The following SRGAP2B variants were observed in gnomAD, a reference collection of about 807,000 sequenced individuals.
The protein encoded by SRGAP2B is SLIT-ROBO Rho GTPase activating protein 2B.
A neutral mutation model predicts 22.2 loss-of-function variants in SRGAP2B; 9 were observed. That is an observed-to-expected ratio of 0.41 (90% confidence interval 0.24 to 0.71). SRGAP2B has a LOEUF of 0.71. SRGAP2B is among the 30% of genes least tolerant of loss of function. The pLI, the probability that SRGAP2B is intolerant of heterozygous loss-of-function variation, is 0.35. For synonymous variants in SRGAP2B, 36 were observed against 87.4 expected, an observed-to-expected ratio of 0.41 and a Z score of 3.28; for missense variants, 114 against 235.8, an observed-to-expected ratio of 0.48 and a Z score of 3.38.
intron 2 of SRGAP2B, among the ~76,000 whole-genome samples, chr1:145,030,721 AATATATATAT>A (rs1161032950): frequency 6.9e-5 from 1 of 14,488 alleles, no homozygotes; most frequent in Non-Finnish European, 1.1e-4. Context: ...AAAAAAAAAA[AATATATATAT>A]ATATATATAT....
chr1:144,922,559 A>G (rs1664331469), intron 4 of SRGAP2B, among the ~76,000 whole-genome samples: 5 of 150,800 alleles, frequency 3.3e-5, no homozygotes, highest in African/African-American at 5.0e-5. Flanking sequence ...CGAAACAAAG[A>G]AAGATGATAA....
chr1:145,019,738 G>C (rs1425263514), intron 2 of SRGAP2B, among the ~76,000 whole-genome samples: 1 of 135,864 alleles, frequency 7.4e-6, no homozygotes, highest in African/African-American at 2.9e-5. Flanking sequence ...AGTCCTGAGA[G>C]ATATAATTGA....
intron 2 of SRGAP2B, among the ~76,000 whole-genome samples, chr1:145,008,775 C>T (rs1357238307): frequency 2.5e-5 from 3 of 121,106 alleles, no homozygotes; most frequent in Non-Finnish European, 5.0e-5. Flanking sequence ...GATCTAAACA[C>T]CACAAGGCAA....
At chr1:144,954,972 C>T (rs1427676711) in intron 4 of SRGAP2B, among the ~76,000 whole-genome samples, 1 of 150,468 alleles carries the variant, frequency 6.6e-6, no homozygotes, top group Non-Finnish European at 1.5e-5. Flanking sequence ...CATAAAATGA[C>T]AGTGTTGGCC....
At chr1:145,006,239 G>GC (rs1205606790) in intron 2 of SRGAP2B, among the ~76,000 whole-genome samples, 3 of 151,004 alleles carry the variant, frequency 2.0e-5, no homozygotes, top group African/African-American at 4.9e-5. Context: ...ACCTACAGGA[G>GC]ATAGAAACTG....
intron 4 of SRGAP2B, among the ~76,000 whole-genome samples, chr1:144,923,137 A>G (rs1485710699): frequency 6.6e-6 from 1 of 150,600 alleles, no homozygotes; most frequent in African/African-American, 2.5e-5. Flanking sequence ...TCTGAAACAC[A>G]GTCCTATAAT....
chr1:145,038,841 G>A (rs1338894), intron 2 of SRGAP2B, among the ~76,000 whole-genome samples: 40 of 103,254 alleles, frequency 3.9e-4, no homozygotes, highest in South Asian at 1.3e-3. Context: ...TCATCCTTGG[G>A]TTTTCATAAT....
At chr1:144,979,103 C>T (rs1439402982) in intron 3 of SRGAP2B, among the ~76,000 whole-genome samples, 55 of 151,784 alleles carry the variant, frequency 3.6e-4, no homozygotes, top group African/African-American at 1.2e-3. Flanking sequence ...AGTGCAGTGG[C>T]GCGATCTCGA....
At position 145,001,771 on chromosome 1, in the gene SRGAP2B, G is replaced by A. The variant is rs972095; in HGVS notation, c.68-6571C>T. Reference sequence around the variant, plus strand: ...CACAGTGGCTCACCCCTGTAATCCCGGGACTTTGGGAAGCCAAGGTGGGCC... The same window carrying A: ...CACAGTGGCTCACCCCTGTAATCCCAGGACTTTGGGAAGCCAAGGTGGGCC... On this transcript the variant is annotated intron_variant, in intron 2 of 9. Coordinates refer to ENST00000612199, the Ensembl canonical transcript of SRGAP2B. 7.3e-5 allele frequency among the ~76,000 whole-genome samples: 11 copies of A among 150,784 alleles called. 1 individual carries two copies. Among genetic ancestry groups the A allele is most frequent in the African/African-American group, 1.2e-4 (5 of 40,304 alleles).
At chr1:144,965,514 AG>A (rs1668016542) in intron 3 of SRGAP2B, among the ~76,000 whole-genome samples, 1 of 145,808 alleles carries the variant, frequency 6.9e-6, no homozygotes, top group South Asian at 2.1e-4. Flanking sequence ...AAAGACCAAA[AG>A]TAGAGAAAAC....
chr1:145,082,739 A>C, intron 2 of SRGAP2B, among the ~76,000 whole-genome samples: 1 of 105,174 alleles, frequency 9.5e-6, no homozygotes, highest in Non-Finnish European at 1.9e-5. Flanking sequence ...AAGGCTATGT[A>C]GTTTGTACTT....
chr1:144,970,988 A>G (rs1668470387), intron 3 of SRGAP2B, among the ~76,000 whole-genome samples: 1 of 150,382 alleles, frequency 6.6e-6, no homozygotes, highest in African/African-American at 2.5e-5. Context: ...TCATTACTCA[A>G]CAGCCCACAC....
Position 144,971,164 on chromosome 1 carries a change from C to G in SRGAP2B, c.261-15563G>C, listed in dbSNP as rs1299558756. Among the ~76,000 whole-genome samples, 21 of 146,316 alleles carry G rather than the reference C, an allele frequency of 1.4e-4. No homozygotes were observed. The East Asian group carries it at 4.2e-3, about 29-fold the overall frequency. ...TTTTTTTTTGAGACGGAGTTTCACT[C>G]TTGTTGTCCAGGCTAGAGTGCAATG... On this transcript the variant is annotated intron_variant, in intron 3 of 9. Transcript: ENST00000612199.
chr1:144,951,852 A>G (rs1666898392), intron 4 of SRGAP2B, among the ~76,000 whole-genome samples: 1 of 146,686 alleles, frequency 6.8e-6, no homozygotes, highest in Non-Finnish European at 1.5e-5. Context: ...TACTGGTAAA[A>G]CATATCTATT....
At chr1:145,007,705 G>T (rs1447268929) in intron 2 of SRGAP2B, among the ~76,000 whole-genome samples, 5 of 149,742 alleles carry the variant, frequency 3.3e-5, no homozygotes, top group African/African-American at 1.3e-4. Context: ...GTTAATAACA[G>T]TATCTACCTC....
At chr1:144,926,980 C>A (rs1281203214) in intron 4 of SRGAP2B, among the ~76,000 whole-genome samples, 1 of 151,880 alleles carries the variant, frequency 6.6e-6, no homozygotes, top group Non-Finnish European at 1.5e-5. Context: ...GACGGAGTCT[C>A]ACTCAGTTGC....
At chr1:144,940,565 A>C (rs1553607202) in intron 4 of SRGAP2B, among the ~76,000 whole-genome samples, 1 of 142,994 alleles carries the variant, frequency 7.0e-6, no homozygotes, top group Admixed American at 6.9e-5. Context: ...TTGGGAGGCC[A>C]AGGCAGGCAG....
At chr1:144,980,997 T>A (rs1382274692) in intron 3 of SRGAP2B, among the ~76,000 whole-genome samples, 1 of 145,632 alleles carries the variant, frequency 6.9e-6, no homozygotes, top group Non-Finnish European at 1.5e-5. Context: ...TATTTTTAAA[T>A]TCCTGTGCAC....
chr1:144,956,726 G>A (rs1350711140), intron 3 of SRGAP2B, among the ~76,000 whole-genome samples: 1 of 150,320 alleles, frequency 6.7e-6, no homozygotes, highest in Non-Finnish European at 1.5e-5. Flanking sequence ...GGGATTATAG[G>A]AGTGAGCCAC....
Sources: gnomAD v4.1 joint callset for allele counts (sites outside exome capture counted in the v4.1 genomes callset) on GRCh38, gnomAD v4.1.1 for gene constraint, MANE v1.5 for transcripts, NCBI Gene and HGNC (gene_info 2026-07-23, HGNC 2026-07-21) for gene names.